ENOX2: variants seen among roughly 807,000 people sequenced by gnomAD.
The protein encoded by ENOX2 is APK1 antigen.
ENOX2 carries 36 observed loss-of-function variants against 45.0 expected under a neutral mutation model. That is an observed-to-expected ratio of 0.80 (90% CI 0.61 to 1.06). The LOEUF is 1.06. ENOX2 is among the 50% of genes least tolerant of loss of function. ENOX2 has a pLI of 0.00. For synonymous variants in ENOX2, 174 were observed against 152.3 expected, an observed-to-expected ratio of 1.14 and a Z score of -1.05; for missense variants, 423 against 462.5, an observed-to-expected ratio of 0.91 and a Z score of 0.78.
intron 2 of ENOX2, among the ~76,000 whole-genome samples, chrX:130,887,335 A>G (rs2078923325): frequency 9.0e-6 from 1 of 110,722 alleles, no homozygotes; most frequent in Non-Finnish European, 1.9e-5. Flanking sequence ...AAGCACCCCA[A>G]ACCCCCACTA....
At chrX:130,848,390 T>C (rs991550623) in intron 2 of ENOX2, among the ~76,000 whole-genome samples, 10 of 112,139 alleles carry the variant, frequency 8.9e-5, no homozygotes, top group Admixed American at 1.9e-4. Flanking sequence ...AAATCTAGCA[T>C]GAACTTTTAA....
intron 2 of ENOX2, among the ~76,000 whole-genome samples, chrX:130,836,957 A>G (rs2077937293): frequency 8.9e-6 from 1 of 111,883 alleles, no homozygotes; most frequent in Admixed American, 9.5e-5. Context: ...ATGAACCCAC[A>G]GATGGCTTTT....
At chrX:130,699,095 C>G (rs944537425) in intron 4 of ENOX2, among the ~76,000 whole-genome samples, 1 of 112,291 alleles carries the variant, frequency 8.9e-6, no homozygotes, top group African/African-American at 3.2e-5. Flanking sequence ...TAACATTAGT[C>G]TTATTTGACC....
chrX:130,791,821 T>A (rs1184951864), intron 2 of ENOX2, among the ~76,000 whole-genome samples: 1 of 111,919 alleles, frequency 8.9e-6, no homozygotes, highest in Non-Finnish European at 1.9e-5. Context: ...TCTGCATAAT[T>A]TCATTCTCTC....
chrX:130,804,183 C>A (rs777698687), intron 2 of ENOX2, among the ~76,000 whole-genome samples: 2 of 112,039 alleles, frequency 1.8e-5, no homozygotes, highest in East Asian at 5.6e-4. Flanking sequence ...GTATGGATAA[C>A]CTACAAACCA....
In ENOX2 at chrX:130,703,231, C is replaced by T. The variant is rs188701164; in HGVS notation, c.-15G>A. Reference sequence around the variant, plus strand: ...GGTAGTGTCATTGCAGTGGAATCCACGTTCAGAGTTCTACTGTTATCGGCT... The same window carrying T: ...GGTAGTGTCATTGCAGTGGAATCCATGTTCAGAGTTCTACTGTTATCGGCT... On this transcript the variant is annotated 5_prime_UTR_variant, in exon 4 of 15. It adds an upstream start codon to the 5' untranslated region. Coordinates refer to ENST00000394363, the MANE Select transcript of ENOX2 (RefSeq NM_006375.4). The T allele has an allele frequency of 3.3e-6, 4 of 1,200,568 alleles. No homozygotes were observed. Among genetic ancestry groups the T allele is most frequent in the Admixed American group, 2.2e-5 (1 of 44,999 alleles).
At chrX:130,637,552 C>T (rs1223194356) in intron 10 of ENOX2, 142 bp from the exon 11 acceptor site, 13 of 441,428 alleles carry the variant, frequency 2.9e-5, no homozygotes, top group Non-Finnish European at 4.6e-5. Context: ...GATACAAAAG[C>T]ACACAGGCCT....
At chrX:130,707,372 T>C (rs1260537247) in intron 3 of ENOX2, among the ~76,000 whole-genome samples, 1 of 111,487 alleles carries the variant, frequency 9.0e-6, no homozygotes, top group Non-Finnish European at 1.9e-5. Context: ...GAATACAAGA[T>C]TTGGAAGTGA....
chrX:130,820,333 GA>G (rs2077573647), intron 2 of ENOX2, among the ~76,000 whole-genome samples: 1 of 112,358 alleles, frequency 8.9e-6, no homozygotes, highest in Non-Finnish European at 1.9e-5. Context: ...AGAATCTGGA[GA>G]AAAGGGAGTG....
At chrX:130,669,891 A>T (rs918093302) in intron 7 of ENOX2, 74 bp downstream of exon 7, 3 of 753,011 alleles carry the variant, frequency 4.0e-6, no homozygotes, top group East Asian at 6.4e-5. Context: ...AACTGTCAAC[A>T]ATGCAATTAT....
Position 130,670,238 on chromosome X carries a change from G to C in ENOX2, c.461-40C>G, listed in dbSNP as rs761665983. 8.9e-6 allele frequency: 8 copies of C among 902,108 alleles called. No individual in the cohort carries two copies. The South Asian group carries it at 1.7e-4, about 19-fold the overall frequency. 74.3% of individuals were successfully genotyped at this position (902,108 alleles called of 1,213,427 possible). ...GGGTGAAAGGGAGAGGAGAGAGGGAGAGAAGGAGAGAAGTAGAGGGAGAGA... is the reference window on the plus strand; with the variant it reads ...GGGTGAAAGGGAGAGGAGAGAGGGACAGAAGGAGAGAAGTAGAGGGAGAGA... On this transcript the variant is annotated intron_variant, in intron 6 of 14. Coordinates refer to ENST00000394363, the MANE Select transcript of ENOX2 (RefSeq NM_006375.4).
At chrX:130,827,579 T>A (rs1300835172) in intron 2 of ENOX2, among the ~76,000 whole-genome samples, 2 of 111,549 alleles carry the variant, frequency 1.8e-5, no homozygotes, top group Non-Finnish European at 3.8e-5. Context: ...TCTTGATTAT[T>A]ATATTTTTCC....
intron 9 of ENOX2, among the ~76,000 whole-genome samples, chrX:130,664,877 A>G (rs1264556521): frequency 7.1e-5 from 8 of 112,728 alleles, no homozygotes; most frequent in Admixed American, 4.7e-4. Flanking sequence ...TGGGACTGCT[A>G]CCAGGCTGGC....
chrX:130,791,086 A>C (rs1260768642), intron 2 of ENOX2, among the ~76,000 whole-genome samples: 1 of 111,206 alleles, frequency 9.0e-6, no homozygotes, highest in Non-Finnish European at 1.9e-5. Context: ...TGTCTCCCTA[A>C]GTGCTGGGAT....
At chrX:130,818,220 C>T (rs927522226) in intron 2 of ENOX2, among the ~76,000 whole-genome samples, 2 of 111,311 alleles carry the variant, frequency 1.8e-5, no homozygotes, top group Admixed American at 1.9e-4. Flanking sequence ...TCAAGGAGAA[C>T]TACAAACCAC....
chrX:130,645,168 A>G (rs2036195512), intron 10 of ENOX2, among the ~76,000 whole-genome samples: 1 of 112,341 alleles, frequency 8.9e-6, no homozygotes, highest in East Asian at 2.8e-4. Context: ...AAGTTCAAAA[A>G]TCATAAAGCC....
chrX:130,794,678 T>A (rs2077092107), intron 2 of ENOX2, among the ~76,000 whole-genome samples: 1 of 112,715 alleles, frequency 8.9e-6, no homozygotes, highest in Admixed American at 9.4e-5. Context: ...AAGGAGAAAG[T>A]GAGAGCTGGT....
chrX:130,733,824 T>C (rs937382941), intron 3 of ENOX2, among the ~76,000 whole-genome samples: 2 of 112,248 alleles, frequency 1.8e-5, no homozygotes, highest in African/African-American at 3.2e-5. Context: ...TTGTTCTGCG[T>C]CTTCACTATA....
At chrX:130,640,282 G>A (rs2036044496) in intron 10 of ENOX2, among the ~76,000 whole-genome samples, 1 of 112,346 alleles carries the variant, frequency 8.9e-6, no homozygotes, top group Non-Finnish European at 1.9e-5. Context: ...AGATGCTGGC[G>A]AGGTTGTGGA....
Sources: gnomAD v4.1 joint callset for allele counts (sites outside exome capture counted in the v4.1 genomes callset) on GRCh38, gnomAD v4.1.1 for gene constraint, MANE v1.5 for transcripts, NCBI Gene and HGNC (gene_info 2026-07-23, HGNC 2026-07-21) for gene names.